The following SYK variants were observed in gnomAD, a reference collection of about 807,000 sequenced individuals.
The protein encoded by SYK is spleen associated tyrosine kinase.
A neutral mutation model predicts 77.8 loss-of-function variants in SYK; 16 were observed. The ratio of observed to expected loss-of-function variants is 0.21; its 90% CI spans 0.14 to 0.31. The LOEUF is 0.31. SYK is among the 10% of genes least tolerant of loss of function. The probability of loss-of-function intolerance (pLI) is 1.00; values close to 1 mark genes in which losing one functional copy is unlikely to be tolerated. For missense variants in SYK, 529 were observed against 814.4 expected, an observed-to-expected ratio of 0.65 and a Z score of 4.26; for synonymous variants, 312 against 308.7, an observed-to-expected ratio of 1.01 and a Z score of -0.11.
chr9:90,850,951 G>C (rs1826797944), intron 3 of SYK, among the ~76,000 whole-genome samples: 1 of 152,158 alleles, frequency 6.6e-6, no homozygotes. Flanking sequence ...GATTACGTCT[G>C]GGAGATGCTG....
At chr9:90,863,307 G>A (rs1298827090) in intron 4 of SYK, among the ~76,000 whole-genome samples, 1 of 152,152 alleles carries the variant, frequency 6.6e-6, no homozygotes, top group Non-Finnish European at 1.5e-5. Flanking sequence ...TTGAACATGT[G>A]TGGGTGAGGG....
chr9:90,827,925 A>C (rs560344737), intron 1 of SYK, among the ~76,000 whole-genome samples: 1 of 152,316 alleles, frequency 6.6e-6, no homozygotes, highest in African/African-American at 2.4e-5. Flanking sequence ...AATATCTTGC[A>C]GTCCTGAGTC....
chr9:90,818,082 G>T (rs1298086133), intron 1 of SYK, among the ~76,000 whole-genome samples: 1 of 152,078 alleles, frequency 6.6e-6, no homozygotes, highest in African/African-American at 2.4e-5. Flanking sequence ...CCCCACTAAG[G>T]GTCTTCATGA....
intron 3 of SYK, among the ~76,000 whole-genome samples, chr9:90,853,626 AAAAC>A (rs958083311): frequency 1.2e-4 from 18 of 152,174 alleles, no homozygotes; most frequent in African/African-American, 3.1e-4. Context: ...CAAGGACAAA[AAAAC>A]AAACACCGCA....
intron 5 of SYK, 112 bp downstream of exon 5, chr9:90,864,779 GT>G (rs771337691): frequency 5.1e-4 from 465 of 915,908 alleles, no homozygotes; most frequent in Non-Finnish European, 7.0e-4. Flanking sequence ...CTTTTTACGG[GT>G]TGATTAATAA....
chr9:90,863,207 A>G (rs942159367), intron 4 of SYK, among the ~76,000 whole-genome samples: 1 of 152,214 alleles, frequency 6.6e-6, no homozygotes, highest in Non-Finnish European at 1.5e-5. Flanking sequence ...TCATCTTCGC[A>G]GAGCATCCTA....
chr9:90,888,650 G>A, intron 13 of SYK, 23 bp downstream of exon 13: 1 of 1,492,392 alleles, frequency 6.7e-7, no homozygotes, highest in Non-Finnish European at 9.1e-7. Context: ...CACTGACTGT[G>A]ATGTATTCAG....
intron 7 of SYK, 45 bp downstream of exon 7, chr9:90,867,244 C>G (rs1269076809): frequency 6.3e-7 from 1 of 1,584,862 alleles, no homozygotes; most frequent in Non-Finnish European, 8.7e-7. Context: ...GTGGTAGGAC[C>G]AACGCGCACT....
chr9:90,873,025 A>G (rs1324490201), intron 7 of SYK, among the ~76,000 whole-genome samples: 3 of 152,256 alleles, frequency 2.0e-5, no homozygotes, highest in Non-Finnish European at 4.4e-5. Flanking sequence ...GGCTTGGGCC[A>G]TGGTGAACAA....
At position 90,878,815 on chromosome 9, in the gene SYK, C is replaced by T. The variant is rs1828040147; in HGVS notation, c.1443C>T (p.Gly481=). The T allele has an allele frequency of 3.1e-6, 5 of 1,614,012 alleles. No individual in the cohort carries two copies. Among genetic ancestry groups the T allele is most frequent in the Non-Finnish European group, 4.2e-6 (5 of 1,179,910 alleles). The change falls in exon 11 of 14, where the codon GGC becomes GGT. Residue 481 remains glycine (G), a synonymous_variant. Transcript: ENST00000375754. ...AACTGGTTCATCAGGTTTCCATGGG[C>T]ATGAAGTACTTGGAGGAGAGCAATT... ...IIELVHQVSM[G]MKYLEESNFV...
chr9:90,813,925 C>T (rs1247331412), intron 1 of SYK, among the ~76,000 whole-genome samples: 1 of 152,192 alleles, frequency 6.6e-6, no homozygotes, highest in Non-Finnish European at 1.5e-5. Flanking sequence ...GACAAGGTCA[C>T]TCCCCCGGGG....
intron 7 of SYK, among the ~76,000 whole-genome samples, chr9:90,867,809 A>G (rs780192693): frequency 2.4e-4 from 37 of 152,150 alleles, no homozygotes; most frequent in Admixed American, 1.6e-3. Context: ...CTATTATTGG[A>G]TTTTGAGGGA....
At chr9:90,875,791 T>C (rs953843211) in intron 9 of SYK, among the ~76,000 whole-genome samples, 11 of 152,316 alleles carry the variant, frequency 7.2e-5, no homozygotes, top group African/African-American at 2.6e-4. Context: ...CAACATAGAA[T>C]GTACAAGTAA....
intron 7 of SYK, among the ~76,000 whole-genome samples, chr9:90,868,346 G>A (rs1290987969): frequency 6.6e-6 from 1 of 152,174 alleles, no homozygotes; most frequent in African/African-American, 2.4e-5. Context: ...AGGAGAACAT[G>A]TCAGAAAAAA....
At chr9:90,867,656 A>G (rs1341403821) in intron 7 of SYK, among the ~76,000 whole-genome samples, 1 of 152,196 alleles carries the variant, frequency 6.6e-6, no homozygotes, top group Admixed American at 6.5e-5. Context: ...CAGGCAGTGC[A>G]TGGTAACTTC....
intron 1 of SYK, among the ~76,000 whole-genome samples, chr9:90,833,136 T>A (rs1214164834): frequency 3.9e-5 from 6 of 152,186 alleles, no homozygotes; most frequent in Admixed American, 3.9e-4. Flanking sequence ...TTTCATGAGC[T>A]AGCTTCAGAG....
chr9:90,864,405 G>C (rs759582072), intron 4 of SYK, among the ~76,000 whole-genome samples, 184 bp from the exon 5 acceptor site: 14 of 152,180 alleles, frequency 9.2e-5, no homozygotes, highest in Non-Finnish European at 1.6e-4. Flanking sequence ...AGCCCAAGAG[G>C]GGGGATCCCT....
chr9:90,860,020 ACT>A (rs1287395337), intron 3 of SYK, among the ~76,000 whole-genome samples: 7 of 152,152 alleles, frequency 4.6e-5, no homozygotes, highest in African/African-American at 1.7e-4. Context: ...ATGGCGTCTC[ACT>A]CTGTTGCCCA....
intron 4 of SYK, among the ~76,000 whole-genome samples, chr9:90,863,719 G>A (rs1254842576): frequency 1.3e-5 from 2 of 152,160 alleles, no homozygotes; most frequent in Non-Finnish European, 2.9e-5. Context: ...TAGGGAATGT[G>A]GCCTTCTGGA....
Sources: allele counts gnomAD v4.1 joint callset (sites outside exome capture counted in the v4.1 genomes callset), GRCh38; gene constraint gnomAD v4.1.1; transcripts MANE v1.5; gene names NCBI Gene and HGNC (gene_info 2026-07-23, HGNC 2026-07-21).